Variants in UNC13B observed in about 807,000 individuals in gnomAD.
UNC13B encodes the protein unc-13 homolog B.
UNC13B carries 144 observed loss-of-function variants against 211.0 expected under a neutral mutation model. The observed-to-expected ratio is 0.68, with a 90% CI of 0.60 to 0.78. The LOEUF (loss-of-function observed/expected upper bound fraction) is 0.78, where lower values mean the gene tolerates loss of function less well. UNC13B is among the 30% of genes least tolerant of loss of function. The probability of loss-of-function intolerance (pLI) is 0.00; values close to 1 mark genes in which losing one functional copy is unlikely to be tolerated. For missense variants in UNC13B, 1,777 were observed against 2,002.0 expected, an observed-to-expected ratio of 0.89 and a Z score of 2.14; for synonymous variants, 709 against 725.8, an observed-to-expected ratio of 0.98 and a Z score of 0.37.
intron 11 of UNC13B, among the ~76,000 whole-genome samples, chr9:35,325,209 T>C (rs1431754230): frequency 6.6e-6 from 1 of 152,180 alleles, no homozygotes; most frequent in African/African-American, 2.4e-5. Flanking sequence ...GAACAGGATG[T>C]AGAGTAAGGA....
chr9:35,297,157 C>T (rs1217997061), intron 8 of UNC13B, among the ~76,000 whole-genome samples: 1 of 147,166 alleles, frequency 6.8e-6, no homozygotes, highest in African/African-American at 2.5e-5. Context: ...GGCGTGATCT[C>T]GGCTCACTAC....
chr9:35,270,169 A>AT (rs780829644), intron 7 of UNC13B, among the ~76,000 whole-genome samples: 1 of 152,094 alleles, frequency 6.6e-6, no homozygotes, highest in Admixed American at 6.5e-5. Context: ...AAAAATCAAG[A>AT]TCTTGGCACT....
intron 1 of UNC13B, among the ~76,000 whole-genome samples, chr9:35,167,992 C>T (rs1334093832): frequency 6.6e-6 from 1 of 151,762 alleles, no homozygotes; most frequent in Non-Finnish European, 1.5e-5. Flanking sequence ...GATCGTGGCT[C>T]ACTGCATCCT....
At chr9:35,266,621 G>A (rs1039654247) in intron 7 of UNC13B, among the ~76,000 whole-genome samples, 1 of 152,210 alleles carries the variant, frequency 6.6e-6, no homozygotes, top group Non-Finnish European at 1.5e-5. Context: ...TAAAGGTGAT[G>A]GGATTCTTTA....
At chr9:35,166,265 C>G (rs1001290484) in intron 1 of UNC13B, among the ~76,000 whole-genome samples, 2 of 152,036 alleles carry the variant, frequency 1.3e-5, no homozygotes, top group African/African-American at 4.8e-5. Context: ...ACCTGTAATC[C>G]TAGCTACTTG....
At chr9:35,349,332 T>C (rs1489571747) in intron 11 of UNC13B, among the ~76,000 whole-genome samples, 2 of 141,928 alleles carry the variant, frequency 1.4e-5, no homozygotes, top group African/African-American at 2.6e-5. Flanking sequence ...ACCCAATCCC[T>C]ACATGGTTGG....
intron 7 of UNC13B, among the ~76,000 whole-genome samples, chr9:35,289,299 T>G (rs1303059794): frequency 1.3e-5 from 2 of 152,226 alleles, no homozygotes; most frequent in Non-Finnish European, 2.9e-5. Flanking sequence ...TACTGTAGAC[T>G]TTCAAGGGAG....
At chr9:35,329,336 C>T (rs1438935072) in intron 11 of UNC13B, among the ~76,000 whole-genome samples, 1 of 151,982 alleles carries the variant, frequency 6.6e-6, no homozygotes, top group Admixed American at 6.6e-5. Flanking sequence ...TGACTAATGT[C>T]CTTGGAAGAA....
At chr9:35,351,691 C>T (rs1832731604) in intron 11 of UNC13B, 2 of 1,232,298 alleles carry the variant, frequency 1.6e-6, no homozygotes, top group South Asian at 4.1e-5. Flanking sequence ...TGCCCCCTTG[C>T]TGTGGGTCAG....
At chr9:35,342,031 G>C (rs1587657623) in intron 11 of UNC13B, 1 of 985,500 alleles carries the variant, frequency 1.0e-6, no homozygotes, top group Non-Finnish European at 1.2e-6. Context: ...TACGTTTGCA[G>C]CCAGTGAGAC....
chr9:35,362,545 C>T (rs188887464), intron 11 of UNC13B, among the ~76,000 whole-genome samples: 12 of 152,308 alleles, frequency 7.9e-5, no homozygotes, highest in African/African-American at 2.4e-4. Flanking sequence ...CGTGGTGGCT[C>T]ACGCCTGTAA....
Position 35,307,185 on chromosome 9 carries a change from A to T in UNC13B, c.7781A>T (p.Asn2594Ile). ...AAACTAACAACCAAAATGGAAGACA[A>T]TAATACTCCTGAAAATATTCTGGAA... is the stretch of plus-strand genomic sequence containing the variant. Reference protein sequence around the residue: ...DPKLTTKMEDNNTPENILEPQ... With the variant: ...DPKLTTKMEDINTPENILEPQ... The change falls in exon 9 of 40, where the codon AAT (asparagine) becomes ATT (isoleucine). Residue 2594 changes from asparagine to isoleucine, a missense_variant. By Grantham distance (149) the Asn-to-Ile change is moderately radical. Transcript: ENST00000635942. The T allele has an allele frequency of 5.0e-6, 2 of 398,990 alleles. No individual in the cohort carries two copies. The highest frequency in any genetic ancestry group is 8.8e-6 in the Non-Finnish European group (2 of 226,076). The allele number at this position is 398,990 out of a possible 1,614,324, so 24.7% of individuals were successfully genotyped here.
In UNC13B at chr9:35,334,368, C is replaced by G. The variant is rs887835179; in HGVS notation, c.9414+20379C>G. Among the ~76,000 whole-genome samples, 4 of 152,198 alleles carry G rather than the reference C, an allele frequency of 2.6e-5. No homozygotes were observed. In the East Asian group the frequency reaches 7.7e-4, roughly 29 times the overall value. On this transcript the variant is annotated intron_variant, in intron 11 of 39. Coordinates refer to ENST00000635942, the MANE Select transcript of UNC13B (RefSeq NM_001371189.2). ...AAGTTTAAGTTGCAGACTGTTTGACCTGCCTTTTGAAATGGTTAAAAACCT... is the reference window on the plus strand; with the variant it reads ...AAGTTTAAGTTGCAGACTGTTTGACGTGCCTTTTGAAATGGTTAAAAACCT...
intron 32 of UNC13B, 83 bp from the exon 33 acceptor site, chr9:35,398,799 G>A: frequency 6.3e-7 from 1 of 1,578,242 alleles, no homozygotes; most frequent in Non-Finnish European, 8.6e-7. Context: ...TGAGCATATG[G>A]GAATGGGACC....
intron 1 of UNC13B, among the ~76,000 whole-genome samples, chr9:35,201,500 C>A (rs1823285816): frequency 6.6e-6 from 1 of 152,120 alleles, no homozygotes; most frequent in African/African-American, 2.4e-5. Flanking sequence ...TTAATTAGTG[C>A]CTCAATTTCA....
At chr9:35,391,644 C>T (rs917617025) in intron 26 of UNC13B, among the ~76,000 whole-genome samples, 4 of 152,212 alleles carry the variant, frequency 2.6e-5, no homozygotes, top group African/African-American at 9.6e-5. Context: ...GGGAGGAGGT[C>T]ATTGGTCTCT....
intron 13 of UNC13B, chr9:35,371,799 C>CA (rs2132196599): frequency 6.5e-6 from 1 of 152,770 alleles, no homozygotes; most frequent in African/African-American, 2.4e-5. Context: ...TTTTAGTGGA[C>CA]AGAAGCAGAG....
intron 1 of UNC13B, among the ~76,000 whole-genome samples, chr9:35,183,578 C>CG (rs1188028404): frequency 1.4e-5 from 2 of 141,450 alleles, no homozygotes; most frequent in Admixed American, 7.0e-5. Flanking sequence ...ACCTCCCAGG[C>CG]AGGGCGGCTG....
intron 11 of UNC13B, among the ~76,000 whole-genome samples, chr9:35,358,641 TA>T (rs772620405): frequency 2.1e-4 from 32 of 152,118 alleles, no homozygotes; most frequent in Admixed American, 7.2e-4. Flanking sequence ...GATTTGCTCC[TA>T]TTTTTTTTAT....
Sources: gnomAD v4.1 joint callset for allele counts (sites outside exome capture counted in the v4.1 genomes callset) on GRCh38, gnomAD v4.1.1 for gene constraint, MANE v1.5 for transcripts, NCBI Gene and HGNC (gene_info 2026-07-23, HGNC 2026-07-21) for gene names.